Variants in ZGPAT observed in about 807,000 individuals in gnomAD.
ZGPAT encodes the protein zinc finger CCCH-type with G patch domain-containing protein.
Under a neutral mutation model 47.9 loss-of-function variants are expected in ZGPAT, and 39 were observed. The observed-to-expected ratio is 0.81, with a 90% CI of 0.63 to 1.06. The LOEUF (loss-of-function observed/expected upper bound fraction) is 1.06, where lower values mean the gene tolerates loss of function less well. ZGPAT is among the 50% of genes least tolerant of loss of function. The pLI, the probability that ZGPAT is intolerant of heterozygous loss-of-function variation, is 0.00. For synonymous variants in ZGPAT, 348 were observed against 292.9 expected, an observed-to-expected ratio of 1.19 and a Z score of -1.92; for missense variants, 717 against 681.4, an observed-to-expected ratio of 1.05 and a Z score of -0.58.
intron 2 of ZGPAT, among the ~76,000 whole-genome samples, chr20:63,724,215 AAGT>A (rs1172661078): frequency 6.6e-6 from 1 of 151,814 alleles, no homozygotes; most frequent in African/African-American, 2.4e-5. Context: ...AAAATACAAA[AAGT>A]AGCCGGGTGT....
rs891205586 is a variant in ZGPAT, at chr20:63,729,451, A to G, written c.585-3768A>G. 6.6e-5 allele frequency among the ~76,000 whole-genome samples: 10 copies of G among 152,306 alleles called. No homozygotes were observed. In the East Asian group the frequency reaches 9.6e-4, roughly 15 times the overall value. The stretch of plus-strand genomic sequence containing the variant: ...CTAATTCTGGAATGTATTTCTGTCA[A>G]TGCTGTGAGGTAGGTGATTGGGTTG... On this transcript the variant is annotated intron_variant, in intron 2 of 6. Transcript: ENST00000355969.
intron 4 of ZGPAT, chr20:63,734,064 G>C (rs2091950422): frequency 5.8e-6 from 2 of 343,574 alleles, no homozygotes; most frequent in African/African-American, 2.1e-5. Context: ...AGGAGGGGCA[G>C]CTCCTCTGCA....
intron 2 of ZGPAT, among the ~76,000 whole-genome samples, chr20:63,715,224 G>A (rs1438864925): frequency 6.6e-6 from 1 of 150,804 alleles, no homozygotes; most frequent in African/African-American, 2.4e-5. Flanking sequence ...GAGCCACTTG[G>A]CCCTATCTTT....
intron 2 of ZGPAT, 85 bp downstream of exon 2, chr20:63,709,249 C>T (rs749563463): frequency 1.5e-5 from 22 of 1,499,110 alleles, no homozygotes; most frequent in Non-Finnish European, 1.9e-5. Flanking sequence ...CCTCCCTTTG[C>T]TTTGCAGTTT....
chr20:63,716,605 C>A (rs917912528), intron 2 of ZGPAT, among the ~76,000 whole-genome samples: 49 of 151,940 alleles, frequency 3.2e-4, no homozygotes, highest in African/African-American at 1.1e-3. Context: ...CCCCTGCCTC[C>A]CAGGTTCAAG....
intron 2 of ZGPAT, among the ~76,000 whole-genome samples, chr20:63,713,085 T>A (rs1260487064): frequency 6.6e-6 from 1 of 152,028 alleles, no homozygotes; most frequent in African/African-American, 2.4e-5. Flanking sequence ...TTTCCTTTTT[T>A]TTTTGAGACA....
chr20:63,708,965 C>T lies in ZGPAT; in HGVS notation c.385C>T (p.Leu129=). 1.9e-6 allele frequency: 3 copies of T among 1,613,400 alleles called. No individual in the cohort carries two copies. Among genetic ancestry groups the T allele is most frequent in the Non-Finnish European group, 8.5e-7 (1 of 1,179,994 alleles). ...EEEEGEDEEE[L]SGTKVSAPYY... ...GGAAGAGGGAGAGGACGAGGAAGAG[C>T]TGAGTGGGACAAAGGTGAGCGCGCC... The change falls in exon 2 of 7, where the codon CTG becomes TTG. Residue 129 remains leucine (L), a synonymous_variant. Transcript: ENST00000355969.
intron 2 of ZGPAT, chr20:63,730,409 ACT>A (rs1318122973): frequency 4.6e-5 from 7 of 152,098 alleles, no homozygotes; most frequent in Non-Finnish European, 1.0e-4. Context: ...GTTCCACCTC[ACT>A]CTGCTCCACC....
At chr20:63,721,355 TA>T (rs201321716) in intron 2 of ZGPAT, among the ~76,000 whole-genome samples, 28,871 of 112,146 alleles carry the variant, frequency 0.26, 3,560 homozygotes, top group East Asian at 0.64. Context: ...CTGTCTCAAA[TA>T]AAAAAAAAAA....
At chr20:63,709,824 C>T (rs1402005687) in intron 2 of ZGPAT, among the ~76,000 whole-genome samples, 2 of 151,852 alleles carry the variant, frequency 1.3e-5, no homozygotes, top group African/African-American at 4.8e-5. Context: ...GCTACAGACT[C>T]ACGCTACTAC....
intron 2 of ZGPAT, among the ~76,000 whole-genome samples, chr20:63,732,378 G>A (rs548354164): frequency 1.4e-4 from 21 of 149,152 alleles, no homozygotes; most frequent in Admixed American, 5.4e-4. Context: ...GTGTGTGTGC[G>A]CGCATGTGTG....
Position 63,708,826 on chromosome 20 carries a change from C to T in ZGPAT, c.246C>T (p.Phe82=), listed in dbSNP as rs781635165. ...GRQEDAEYQA[F]REAITEAVEA... is the part of the protein sequence containing the mutation. ...AGGAAGATGCTGAGTACCAGGCTTT[C>T]CGGGAGGCCATCACTGAGGCGGTGG... The change falls in exon 2 of 7, where the codon TTC becomes TTT. Residue 82 remains phenylalanine, a synonymous_variant. Coordinates refer to ENST00000355969, the MANE Select transcript of ZGPAT (RefSeq NM_181485.3). 3.1e-6 allele frequency: 5 copies of T among 1,605,194 alleles called. No homozygotes were observed. The Admixed American group carries it at 8.4e-5, about 27-fold the overall frequency.
At chr20:63,716,363 C>T (rs541704161) in intron 2 of ZGPAT, among the ~76,000 whole-genome samples, 7 of 152,256 alleles carry the variant, frequency 4.6e-5, no homozygotes, top group African/African-American at 1.7e-4. Flanking sequence ...ATGCATGTTT[C>T]TAGGAATTTG....
At chr20:63,733,804 G>T in intron 4 of ZGPAT, 65 bp downstream of exon 4, 1 of 1,549,346 alleles carries the variant, frequency 6.5e-7, no homozygotes, top group South Asian at 1.2e-5. Context: ...GCTCCTGGCC[G>T]GTGAGGGCAC....
chr20:63,735,270 G>T lies in ZGPAT; in HGVS notation c.1103G>T (p.Gly368Val), dbSNP rs775325229. The change falls in exon 6 of 7, where the codon GGC (glycine) becomes GTC (valine). Residue 368 changes from glycine to valine, a missense_variant. By Grantham distance (109) the Gly-to-Val change is moderately radical (BLOSUM62 -3). Transcript: ENST00000355969. ...VETLQKQTRV[G>V]KAGTNKPPRC... ...ACCCTGCAGAAGCAGACCAGGGTTG[G>T]CAAGGCTGGCACCAACAAGCCCCCC... 3.1e-6 allele frequency: 5 copies of T among 1,606,522 alleles called. No homozygotes were observed. The African/African-American group carries it at 6.7e-5, about 22-fold the overall frequency.
chr20:63,725,764 CT>C (rs71197427), intron 2 of ZGPAT, among the ~76,000 whole-genome samples: 32,945 of 136,780 alleles, frequency 0.24, 4,162 homozygotes, highest in East Asian at 0.62. Context: ...TTCTCTAAAG[CT>C]TTTTTTTTTT....
At chr20:63,721,296 G>C (rs1179782801) in intron 2 of ZGPAT, among the ~76,000 whole-genome samples, 1 of 151,416 alleles carries the variant, frequency 6.6e-6, no homozygotes, top group Non-Finnish European at 1.5e-5. Context: ...AGGTTGCAGT[G>C]AGCTGAGATT....
chr20:63,732,869 CGT>C (rs2091933220), intron 2 of ZGPAT, among the ~76,000 whole-genome samples: 1 of 150,758 alleles, frequency 6.6e-6, no homozygotes, highest in Non-Finnish European at 1.5e-5. Flanking sequence ...TGTATATGCG[CGT>C]GTGCGTATGC....
chr20:63,725,274 G>C (rs781674492), intron 2 of ZGPAT, among the ~76,000 whole-genome samples: 1 of 152,196 alleles, frequency 6.6e-6, no homozygotes, highest in Non-Finnish European at 1.5e-5. Flanking sequence ...GTGAGCCACC[G>C]CGCCCGGCTA....
Sources: allele counts gnomAD v4.1 joint callset (sites outside exome capture counted in the v4.1 genomes callset), GRCh38; gene constraint gnomAD v4.1.1; transcripts MANE v1.5; gene names NCBI Gene and HGNC (gene_info 2026-07-23, HGNC 2026-07-21).